The following APOBEC3A variants were observed in gnomAD, a reference collection of about 807,000 sequenced individuals.
APOBEC3A encodes apolipoprotein B mRNA editing enzyme catalytic subunit 3A, also known as DNA dC->dU-editing enzyme APOBEC-3A.
Under a neutral mutation model 23.0 loss-of-function variants are expected in APOBEC3A, and 13 were observed. That is an observed-to-expected ratio of 0.57 (90% CI 0.37 to 0.90). The LOEUF is 0.90. Ranked by LOEUF, APOBEC3A falls within the 40% of genes least tolerant of loss-of-function variation. APOBEC3A has a pLI of 0.01. For synonymous variants in APOBEC3A, 74 were observed against 101.3 expected (o/e 0.73, Z 1.62); for missense variants, 179 against 264.9 (o/e 0.68, Z 2.25).
At chr22:38,959,825 T>C in intron 2 of APOBEC3A, 139 bp downstream of exon 2, 1 of 1,262,372 alleles carries the variant, frequency 7.9e-7, no homozygotes, top group Non-Finnish European at 1.1e-6. Flanking sequence ...TGCTTGGCCC[T>C]GGGGTTGGGG....
rs1441041375 is a variant in APOBEC3A, at chr22:38,959,539, C to G, written c.30-3C>G. The G allele has an allele frequency of 1.9e-6, 3 of 1,613,352 alleles. No individual in the cohort carries two copies. Among genetic ancestry groups the G allele is most frequent in the Non-Finnish European group, 2.5e-6 (3 of 1,179,440 alleles). ...CTCTGGTCTTTTCCCTGGCTGTCCA[C>G]AGACACTTGATGGATCCACACATAT... is the stretch of plus-strand genomic sequence containing the variant. On this transcript the variant is annotated splice_region_variant and splice_polypyrimidine_tract_variant and intron_variant, in intron 1 of 4. Transcript: ENST00000249116.
intron 1 of APOBEC3A, among the ~76,000 whole-genome samples, chr22:38,958,586 TCTTC>T (rs545984566): frequency 1.3e-5 from 2 of 148,258 alleles, no homozygotes; most frequent in Non-Finnish European, 3.0e-5. Flanking sequence ...TTCCTTCCTT[TCTTC>T]CTTCCTTCCT....
Position 38,962,729 on chromosome 22 carries a change from C to G in APOBEC3A, c.*220C>G, listed in dbSNP as rs1205307876. 1 of 1,196,324 alleles carries G rather than the reference C, an allele frequency of 8.4e-7. No individual in the cohort carries two copies. The highest frequency in any genetic ancestry group is 1.6e-5 in the South Asian group (1 of 62,252). 74.1% of individuals were successfully genotyped at this position (1,196,324 alleles called of 1,614,324 possible). ...AATCCCAGCACTTTGGAGGCCAAGG[C>G]GGGTGGATCACGAGGTCAGGAGATC... On this transcript the variant is annotated 3_prime_UTR_variant, in exon 5 of 5. Coordinates refer to ENST00000249116, the MANE Select transcript of APOBEC3A (RefSeq NM_145699.4).
At position 38,962,880 on chromosome 22, in the gene APOBEC3A, C is replaced by T. The variant is rs1217816814; in HGVS notation, c.*371C>T. 8 of 349,090 alleles carry T rather than the reference C, an allele frequency of 2.3e-5. 3 individuals are homozygous for T. In the East Asian group the frequency reaches 7.2e-4, roughly 31 times the overall value. The allele number at this position is 349,090 out of a possible 1,614,324, so 21.6% of individuals were successfully genotyped here. ...GGCTGAGGCAGGAGAGTAGCGTGAACCCGGGAGGCAGAGCTTGCGGTGAGC... is the reference window on the plus strand; with the variant it reads ...GGCTGAGGCAGGAGAGTAGCGTGAATCCGGGAGGCAGAGCTTGCGGTGAGC... On this transcript the variant is annotated 3_prime_UTR_variant, in exon 5 of 5. Transcript: ENST00000249116.
chr22:38,960,196 C>G (rs1041955474), intron 2 of APOBEC3A, among the ~76,000 whole-genome samples: 9 of 152,200 alleles, frequency 5.9e-5, no homozygotes, highest in Admixed American at 2.0e-4. Flanking sequence ...GGGCCCTGAG[C>G]CCGGGGGACT....
At chr22:38,962,408 G>T (rs552929900) in intron 4 of APOBEC3A, 87 bp from the exon 5 acceptor site, 1 of 1,561,210 alleles carries the variant, frequency 6.4e-7, no homozygotes, top group Non-Finnish European at 8.7e-7. Context: ...CTCCTCTCCC[G>T]TCATTGTCAC....
rs574179413 is a variant in APOBEC3A, at chr22:38,959,608, C to T, written c.96C>T (p.Tyr32=). 6.2e-6 allele frequency: 10 copies of T among 1,614,118 alleles called. No homozygotes were observed. The African/African-American group carries it at 1.3e-4, about 22-fold the overall frequency. ...FNNGIGRHKT[Y]LCYEVERLDN... is the part of the protein sequence containing the mutation. ...ATGGCATTGGAAGGCATAAGACCTA[C>T]CTGTGCTACGAAGTGGAGCGCCTGG... The change falls in exon 2 of 5, where the codon TAC becomes TAT. Residue 32 remains tyrosine (Y), a synonymous_variant. Transcript: ENST00000249116.
chr22:38,957,715 GC>G lies in APOBEC3A; in HGVS notation c.27del (p.Arg10AspfsTer3), dbSNP rs1314652304. On this transcript the variant is annotated frameshift_variant, in exon 1 of 5. Transcript: ENST00000249116. LOFTEE classifies it high-confidence loss of function. ...ACATGGAAGCCAGCCCAGCATCCGG[GC>G]CCAGGTATGGGAAGCCCCTCCGAGC... The part of the protein sequence containing the change: MEASPASG[P>X]RHLMDPHIFT... 6.2e-7 allele frequency: 1 copy of G among 1,612,440 alleles called. No homozygotes were observed. The highest frequency in any genetic ancestry group is 1.7e-4 in the Middle Eastern group (1 of 6,058).
intron 1 of APOBEC3A, 108 bp from the exon 2 acceptor site, chr22:38,959,433 CA>C: frequency 7.6e-7 from 1 of 1,315,732 alleles, no homozygotes; most frequent in Non-Finnish European, 1.1e-6. Flanking sequence ...ATGTGCGGAG[CA>C]GGGGGAAGGA....
rs530607318 is a variant in APOBEC3A, at chr22:38,961,544, G to A, written c.332G>A (p.Arg111His). The change falls in exon 3 of 5, where the codon CGT (arginine) becomes CAT (histidine). Residue 111 changes from arginine to histidine, a missense_variant. By Grantham distance (29) the Arg-to-His change is conservative. This residue lies in a region of APOBEC3A where 37 missense variants were observed against 47.8 expected (regional missense o/e 0.77). Coordinates refer to ENST00000249116, the MANE Select transcript of APOBEC3A (RefSeq NM_145699.4). Reference sequence around the variant, plus strand: ...TCCTGGGGCTGTGCCGGGGAAGTGCGTGCGTTCCTTCAGGAGAACACACAC... The same window carrying A: ...TCCTGGGGCTGTGCCGGGGAAGTGCATGCGTTCCTTCAGGAGAACACACAC... ...CFSWGCAGEV[R>H]AFLQENTHVR... 5.4e-5 allele frequency: 82 copies of A among 1,530,688 alleles called. 4 individuals carry two copies. In the Middle Eastern group the frequency reaches 1.3e-3, roughly 24 times the overall value. The allele number at this position is 1,530,688 out of a possible 1,614,324, so 94.8% of individuals were successfully genotyped here.
In APOBEC3A at chr22:38,961,654, G is replaced by T. The variant is rs1439123467; in HGVS notation, c.442G>T (p.Ala148Ser). Residue 148 changes from alanine to serine, a missense_variant, in exon 3 of 5, where the codon GCC becomes TCC. Ala to Ser is a moderately conservative substitution (Grantham distance 99, BLOSUM62 1). Transcript: ENST00000249116. ...EALQMLRDAG[A>S]QVSIMTYDEF... ...ACTGCAAATGCTGCGGGATGCTGGG[G>T]CCCAAGTCTCCATCATGACCTACGA... The T allele has an allele frequency of 7.2e-7, 1 of 1,393,540 alleles. No homozygotes were observed. Among genetic ancestry groups the T allele is most frequent in the African/African-American group, 1.6e-5 (1 of 60,608 alleles). 86.3% of individuals were successfully genotyped at this position (1,393,540 alleles called of 1,614,324 possible). A position where few individuals can be genotyped will look rare whatever the true frequency, so the allele number is the denominator to read the frequency against.
intron 1 of APOBEC3A, among the ~76,000 whole-genome samples, chr22:38,958,399 CTCCT>C (rs2035408759): frequency 6.8e-6 from 1 of 146,306 alleles, no homozygotes; most frequent in Non-Finnish European, 1.5e-5. Flanking sequence ...TCTTCCCTCC[CTCCT>C]TCCTTCCCTT....
chr22:38,962,365 C>T (rs1284037116), intron 4 of APOBEC3A, 130 bp from the exon 5 acceptor site: 4 of 1,554,254 alleles, frequency 2.6e-6, no homozygotes, highest in Non-Finnish European at 3.5e-6. Context: ...CTTCTCACAG[C>T]CTCCTTCTCT....
chr22:38,958,683 CCTTT>C (rs1038360226), intron 1 of APOBEC3A, among the ~76,000 whole-genome samples: 3 of 139,814 alleles, frequency 2.1e-5, no homozygotes, highest in Admixed American at 7.3e-5. Context: ...TCTTTTCCTT[CCTTT>C]CTTTTTTCTT....
intron 4 of APOBEC3A, 97 bp downstream of exon 4, chr22:38,962,310 G>A: frequency 6.3e-7 from 1 of 1,598,144 alleles, no homozygotes; most frequent in Non-Finnish European, 8.5e-7. Context: ...GCCTCCTCTG[G>A]GTTCCCTGCT....
At chr22:38,962,002 C>T in intron 3 of APOBEC3A, 96 bp from the exon 4 acceptor site, 5 of 1,477,700 alleles carry the variant, frequency 3.4e-6, no homozygotes, top group Non-Finnish European at 4.5e-6. Flanking sequence ...GGGACTGAAA[C>T]CAGGATGTGG....
intron 2 of APOBEC3A, 131 bp downstream of exon 2, chr22:38,959,817 C>T (rs1922794720): frequency 9.1e-6 from 12 of 1,316,652 alleles, no homozygotes; most frequent in Non-Finnish European, 1.2e-5. Context: ...GCTGCTGCTG[C>T]TTGGCCCTGG....
chr22:38,961,294 G>C, intron 2 of APOBEC3A, 93 bp from the exon 3 acceptor site: 1 of 890,288 alleles, frequency 1.1e-6, no homozygotes, highest in Non-Finnish European at 1.6e-6. Context: ...CTCTAATTTC[G>C]TGCTGGAGGC....
intron 4 of APOBEC3A, 100 bp downstream of exon 4, chr22:38,962,313 T>C: frequency 1.3e-6 from 2 of 1,596,124 alleles, no homozygotes; most frequent in Non-Finnish European, 1.7e-6. Flanking sequence ...TCCTCTGGGT[T>C]CCCTGCTCCC....
Sources: allele counts gnomAD v4.1 joint callset (sites outside exome capture counted in the v4.1 genomes callset), GRCh38; gene constraint gnomAD v4.1.1; regional missense constraint gnomAD v4.1.1; transcripts MANE v1.5; gene names NCBI Gene and HGNC (gene_info 2026-07-23, HGNC 2026-07-21).